CDC40: variants seen among roughly 807,000 people sequenced by gnomAD.
CDC40 encodes the protein cell division cycle 40.
CDC40 carries 27 observed loss-of-function variants against 80.6 expected under a neutral mutation model. That is an observed-to-expected ratio of 0.33 (90% CI 0.25 to 0.46). The LOEUF is 0.46. CDC40 is among the 20% of genes least tolerant of loss of function. The pLI, the probability that CDC40 is intolerant of heterozygous loss-of-function variation, is 1.00. For missense variants in CDC40, 486 were observed against 694.1 expected (o/e 0.70, Z 3.37); for synonymous variants, 221 against 232.6 (o/e 0.95, Z 0.45).
intron 5 of CDC40, among the ~76,000 whole-genome samples, chr6:110,209,978 T>C (rs749551972): frequency 2.0e-5 from 3 of 152,198 alleles, no homozygotes; most frequent in Admixed American, 6.5e-5. Flanking sequence ...AAAAAAATTG[T>C]GTCACAAATG....
At chr6:110,204,108 G>A (rs1777527295) in intron 3 of CDC40, among the ~76,000 whole-genome samples, 1 of 152,090 alleles carries the variant, frequency 6.6e-6, no homozygotes, top group African/African-American at 2.4e-5. Flanking sequence ...CGCCTCCTGG[G>A]TTCAACGCCA....
chr6:110,184,462 G>T (rs191060197), intron 1 of CDC40, among the ~76,000 whole-genome samples: 25 of 149,168 alleles, frequency 1.7e-4, no homozygotes, highest in Non-Finnish European at 3.4e-4. Flanking sequence ...GTATTTCTCG[G>T]TGGATCTTAT....
rs1039110880 is a variant in CDC40, at chr6:110,212,287, T to G, written c.867+15T>G. The G allele has an allele frequency of 1.4e-5, 22 of 1,612,724 alleles. No homozygotes were observed. Among genetic ancestry groups the G allele is most frequent in the African/African-American group, 2.7e-5 (2 of 74,872 alleles). On this transcript the variant is annotated intron_variant, in intron 7 of 14. Transcript: ENST00000307731. ...GACACACAAAGGTAAGCAAGTTGGT[T>G]GTTTCTGTTTGCTGTAATGTTATAA...
intron 4 of CDC40, among the ~76,000 whole-genome samples, chr6:110,208,326 G>T (rs1173484661): frequency 6.6e-6 from 1 of 152,078 alleles, no homozygotes; most frequent in African/African-American, 2.4e-5. Flanking sequence ...CTTTAAGCTA[G>T]ACCTCTGCAA....
chr6:110,192,473 T>A (rs556628206), intron 1 of CDC40, among the ~76,000 whole-genome samples: 20 of 152,338 alleles, frequency 1.3e-4, no homozygotes, highest in African/African-American at 4.8e-4. Flanking sequence ...GAGCTCCCTT[T>A]TGGATATATT....
At chr6:110,190,303 A>G (rs776640461) in intron 1 of CDC40, among the ~76,000 whole-genome samples, 1 of 152,218 alleles carries the variant, frequency 6.6e-6, no homozygotes, top group Non-Finnish European at 1.5e-5. Context: ...AGAAAGCATC[A>G]AAGTGCTTGC....
chr6:110,213,015 C>A, intron 7 of CDC40, 71 bp from the exon 8 acceptor site: 1 of 1,056,202 alleles, frequency 9.5e-7, no homozygotes, highest in Non-Finnish European at 1.5e-6. Flanking sequence ...TATATACTGT[C>A]TTTTCTTGAT....
chr6:110,185,788 G>A (rs570250029), intron 1 of CDC40, among the ~76,000 whole-genome samples: 1 of 152,262 alleles, frequency 6.6e-6, no homozygotes, highest in East Asian at 1.9e-4. Context: ...GAACATGTGA[G>A]GTGCAGCCAT....
rs559496543 is a variant in CDC40, at chr6:110,196,333, C to G, written c.276+3065C>G. ...TTTTATTTTATAAAATATTGTTTCT[C>G]TCTTCTGACCAAGGACTTTTCCCAA... On this transcript the variant is annotated intron_variant, in intron 2 of 14. Coordinates refer to ENST00000307731, the MANE Select transcript of CDC40 (RefSeq NM_015891.3). Among the ~76,000 whole-genome samples, 4 of 152,276 alleles carry G rather than the reference C, an allele frequency of 2.6e-5. No individual in the cohort carries two copies. The South Asian group carries it at 8.3e-4, about 32-fold the overall frequency.
In CDC40 at chr6:110,219,813, T is replaced by C; in HGVS notation, c.1284T>C (p.Asp428=). 18 of 1,613,460 alleles carry C rather than the reference T, an allele frequency of 1.1e-5. No individual in the cohort carries two copies. Among genetic ancestry groups the C allele is most frequent in the Non-Finnish European group, 1.4e-5 (17 of 1,179,428 alleles). Residue 428 remains aspartate (D), a synonymous_variant, in exon 12 of 15, where the codon GAT becomes GAC. Coordinates refer to ENST00000307731, the MANE Select transcript of CDC40 (RefSeq NM_015891.3). ...CTGTCAACACCATTGTTTTTGTGGA[T>C]GAGAATAGGAGATTTGTGAGCACAT... ...LGAVNTIVFV[D]ENRRFVSTSD...
chr6:110,192,271 A>G (rs565591459), intron 1 of CDC40, among the ~76,000 whole-genome samples: 21 of 152,336 alleles, frequency 1.4e-4, no homozygotes, highest in African/African-American at 4.8e-4. Context: ...AACCACTGCA[A>G]TAGAGGACTT....
chr6:110,180,824 G>A (rs916912361), intron 1 of CDC40, among the ~76,000 whole-genome samples, 191 bp downstream of exon 1: 4 of 152,220 alleles, frequency 2.6e-5, no homozygotes, highest in African/African-American at 9.6e-5. Flanking sequence ...GCCCTCCGAT[G>A]CTCTCTGCCC....
At chr6:110,229,457 G>A (rs1777907469) in intron 14 of CDC40, among the ~76,000 whole-genome samples, 1 of 152,152 alleles carries the variant, frequency 6.6e-6, no homozygotes, top group African/African-American at 2.4e-5. Flanking sequence ...ATGGTTCTTA[G>A]TTAAAATGTA....
chr6:110,207,880 A>G (rs1173536631), intron 4 of CDC40, among the ~76,000 whole-genome samples: 1 of 152,244 alleles, frequency 6.6e-6, no homozygotes, highest in Non-Finnish European at 1.5e-5. Flanking sequence ...CACTCAATAA[A>G]TTACAACTAA....
At chr6:110,201,109 T>G (rs755205532) in intron 2 of CDC40, among the ~76,000 whole-genome samples, 1 of 152,156 alleles carries the variant, frequency 6.6e-6, no homozygotes, top group Non-Finnish European at 1.5e-5. Flanking sequence ...TCTCCCACTT[T>G]GAGGAACTAG....
chr6:110,193,399 C>A (rs899798154), intron 2 of CDC40, 131 bp downstream of exon 2: 19 of 592,160 alleles, frequency 3.2e-5, no homozygotes, highest in Non-Finnish European at 5.8e-5. Context: ...AAAATACATG[C>A]TTCTTTTTTG....
chr6:110,207,385 A>G, intron 3 of CDC40, 121 bp from the exon 4 acceptor site: 1 of 523,020 alleles, frequency 1.9e-6, no homozygotes, highest in East Asian at 3.8e-5. Context: ...ATTGGTCCTG[A>G]GTTAGAGATC....
Position 110,219,767 on chromosome 6 carries a change from A to G in CDC40, c.1238A>G (p.Glu413Gly). 1 of 1,614,092 alleles carries G rather than the reference A, an allele frequency of 6.2e-7. No homozygotes were observed. The highest frequency in any genetic ancestry group is 8.5e-7 in the Non-Finnish European group (1 of 1,179,960). ...ATTCGAAGTGGAGAAATTGTGCAGG[A>G]ATATGATCGGCATTTGGGAGCTGTC... is the stretch of plus-strand genomic sequence containing the variant. ...WDIRSGEIVQ[E>G]YDRHLGAVNT... The change falls in exon 12 of 15, where the codon GAA (glutamate) becomes GGA (glycine). Residue 413 changes from glutamate to glycine, a missense_variant. By Grantham distance (98) the Glu-to-Gly change is moderately conservative. Coordinates refer to ENST00000307731, the MANE Select transcript of CDC40 (RefSeq NM_015891.3).
chr6:110,184,751 GAC>G (rs1777242902), intron 1 of CDC40, among the ~76,000 whole-genome samples: 1 of 152,072 alleles, frequency 6.6e-6, no homozygotes, highest in African/African-American at 2.4e-5. Context: ...AATAAAAATA[GAC>G]TTTAAAGCAG....
Sources: gnomAD v4.1 joint callset for allele counts (sites outside exome capture counted in the v4.1 genomes callset) on GRCh38, gnomAD v4.1.1 for gene constraint, MANE v1.5 for transcripts, NCBI Gene and HGNC (gene_info 2026-07-23, HGNC 2026-07-21) for gene names.